Variants in SGCD observed in about 807,000 individuals in gnomAD.
The protein encoded by SGCD is sarcoglycan delta, also known as delta-sarcoglycan.
A neutral mutation model predicts 36.6 loss-of-function variants in SGCD; 18 were observed. The ratio of observed to expected loss-of-function variants is 0.49; its 90% CI spans 0.34 to 0.73. The LOEUF (loss-of-function observed/expected upper bound fraction) is 0.73, where lower values mean the gene tolerates loss of function less well. Among genes scored for constraint, SGCD ranks in the 30% least tolerant of loss-of-function variants. The pLI is 0.01. For missense variants in SGCD, 387 were observed against 346.7 expected, an observed-to-expected ratio of 1.12 and a Z score of -0.92; for synonymous variants, 133 against 130.6, an observed-to-expected ratio of 1.02 and a Z score of -0.12.
chr5:156,635,682 A>T (rs1382253602), intron 6 of SGCD, among the ~76,000 whole-genome samples: 1 of 152,184 alleles, frequency 6.6e-6, no homozygotes, highest in Non-Finnish European at 1.5e-5. Flanking sequence ...TGGCACCTAT[A>T]CACCATGGAA....
intron 1 of SGCD, among the ~76,000 whole-genome samples, chr5:155,889,702 T>C (rs974830496): frequency 6.6e-6 from 1 of 152,242 alleles, no homozygotes; most frequent in Non-Finnish European, 1.5e-5. Context: ...CCTGCTCTCT[T>C]ATTCACAGAT....
At chr5:156,510,116 T>C (rs1384103354) in intron 4 of SGCD, among the ~76,000 whole-genome samples, 1 of 152,260 alleles carries the variant, frequency 6.6e-6, no homozygotes, top group Non-Finnish European at 1.5e-5. Flanking sequence ...GTTTACTTTC[T>C]TGTGTGCTTA....
intron 1 of SGCD, among the ~76,000 whole-genome samples, chr5:155,980,848 G>A (rs1249912310): frequency 6.6e-6 from 1 of 151,972 alleles, no homozygotes; most frequent in Non-Finnish European, 1.5e-5. Flanking sequence ...AGTCCTACAT[G>A]CTGGACATGC....
rs528306039 is a variant in SGCD at position 156,313,639 on chromosome 5, A to G, written c.-43-15895A>G. 2.8e-3 allele frequency among the ~76,000 whole-genome samples: 425 copies of G among 152,226 alleles called. 2 individuals carry two copies. Among genetic ancestry groups the G allele is most frequent in the South Asian group, 0.018 (86 of 4,826 alleles). ...CGAATGTCTGTGGGAAATCTGATTT[A>G]AGGTAGTAAAGCTATCTGAGTCTTA... On this transcript the variant is annotated intron_variant, in intron 3 of 9. Coordinates refer to the SGCD transcript ENST00000517913.
At chr5:155,829,619 T>C in the SGCD span, among the ~76,000 whole-genome samples, 3 of 152,322 alleles carry the variant, frequency 2.0e-5, no homozygotes, top group East Asian at 5.8e-4. Flanking sequence ...GCAAGACAAC[T>C]GGTTTTTGTA....
chr5:155,768,664 C>T, the SGCD span, among the ~76,000 whole-genome samples: 1 of 152,068 alleles, frequency 6.6e-6, no homozygotes, highest in African/African-American at 2.4e-5. Context: ...TGAGTTCTGT[C>T]TTTATTTCAC....
intron 3 of SGCD, among the ~76,000 whole-genome samples, chr5:156,357,441 A>G (rs1158488732): frequency 1.3e-5 from 2 of 152,190 alleles, no homozygotes; most frequent in African/African-American, 2.4e-5. Flanking sequence ...ACAGTAATGA[A>G]TTTACTTGTA....
At chr5:155,744,069 G>A in the SGCD span, among the ~76,000 whole-genome samples, 1 of 152,118 alleles carries the variant, frequency 6.6e-6, no homozygotes. Flanking sequence ...ATGAAAACCA[G>A]CCAATATAAA....
Position 156,612,923 on chromosome 5 carries a change from A to T in SGCD, c.502+17872A>T, listed in dbSNP as rs182695870. On this transcript the variant is annotated intron_variant, in intron 6 of 8. Coordinates refer to ENST00000337851, the MANE Select transcript of SGCD (RefSeq NM_000337.6). ...ATTCGGGGCCTATAAAGACTGCAGAACTCTCTGGCAGCAAGGACTATAGGT... is the reference window on the plus strand; with the variant it reads ...ATTCGGGGCCTATAAAGACTGCAGATCTCTCTGGCAGCAAGGACTATAGGT... 3.9e-5 allele frequency among the ~76,000 whole-genome samples: 6 copies of T among 152,228 alleles called. No individual in the cohort carries two copies. In the East Asian group the frequency reaches 1.2e-3, roughly 29 times the overall value.
chr5:155,938,064 A>G (rs145494279), intron 1 of SGCD, among the ~76,000 whole-genome samples: 14 of 152,326 alleles, frequency 9.2e-5, no homozygotes, highest in Non-Finnish European at 1.9e-4. Flanking sequence ...ACAGACATGA[A>G]CGCAAACATG....
intron 3 of SGCD, among the ~76,000 whole-genome samples, chr5:156,349,412 T>C (rs1240145242): frequency 1.3e-5 from 2 of 150,276 alleles, no homozygotes; most frequent in African/African-American, 4.9e-5. Flanking sequence ...AAAAAACAGG[T>C]GATCTCATTA....
the SGCD span, among the ~76,000 whole-genome samples, chr5:155,746,959 A>C: frequency 2.0e-5 from 3 of 151,874 alleles, no homozygotes; most frequent in African/African-American, 7.3e-5. Flanking sequence ...CTGCACAGGC[A>C]TTTTCCCTCC....
chr5:156,491,168 A>G (rs1011243694), intron 3 of SGCD, among the ~76,000 whole-genome samples: 4 of 152,150 alleles, frequency 2.6e-5, no homozygotes, highest in Non-Finnish European at 4.4e-5. Context: ...GAAAAACTAT[A>G]AAACACTGAT....
At chr5:156,692,432 G>T (rs532046780) in intron 7 of SGCD, among the ~76,000 whole-genome samples, 1 of 152,130 alleles carries the variant, frequency 6.6e-6, no homozygotes, top group Non-Finnish European at 1.5e-5. Context: ...TAGATTTTGC[G>T]CCAGCTGAAG....
At chr5:156,040,913 T>C (rs1759617426) in intron 1 of SGCD, among the ~76,000 whole-genome samples, 1 of 152,194 alleles carries the variant, frequency 6.6e-6, no homozygotes, top group Non-Finnish European at 1.5e-5. Context: ...AAGGCCCATT[T>C]TGATTTTATA....
Position 156,740,646 on chromosome 5 carries a change from A to C in SGCD, c.576-16935A>C, listed in dbSNP as rs561295618. Among the ~76,000 whole-genome samples, 5 of 152,332 alleles carry C rather than the reference A, an allele frequency of 3.3e-5. No homozygotes were observed. The South Asian group carries it at 1.0e-3, about 32-fold the overall frequency. On this transcript the variant is annotated intron_variant, in intron 7 of 8. Transcript: ENST00000337851. ...TACCTCTTCTCAGAAGCAATATCCT[A>C]AGCATGCTGTTCTCATCAGTGGAAT...
At chr5:156,584,400 G>A (rs995792844) in intron 4 of SGCD, among the ~76,000 whole-genome samples, 4 of 152,146 alleles carry the variant, frequency 2.6e-5, no homozygotes, top group African/African-American at 7.2e-5. Flanking sequence ...ATGCCCCCTG[G>A]TAGTTTGTAG....
intron 6 of SGCD, among the ~76,000 whole-genome samples, chr5:156,643,608 A>C (rs971831132): frequency 1.3e-5 from 2 of 152,150 alleles, no homozygotes; most frequent in African/African-American, 4.8e-5. Flanking sequence ...TAAAGGGAAA[A>C]TTGTCAAAGG....
intron 3 of SGCD, among the ~76,000 whole-genome samples, chr5:156,383,589 T>C (rs940603724): frequency 6.6e-6 from 1 of 152,108 alleles, no homozygotes; most frequent in South Asian, 2.1e-4. Flanking sequence ...TTCTGGTCAC[T>C]GTGGAGCCTG....
Sources: allele counts gnomAD v4.1 joint callset (sites outside exome capture counted in the v4.1 genomes callset), GRCh38; gene constraint gnomAD v4.1.1; transcripts MANE v1.5; gene names NCBI Gene and HGNC (gene_info 2026-07-23, HGNC 2026-07-21).